CDHR1: variants seen among roughly 807,000 people sequenced by gnomAD.
The protein encoded by CDHR1 is cadherin related family member 1.
CDHR1 carries 61 observed loss-of-function variants against 72.1 expected under a neutral mutation model. That is an observed-to-expected ratio of 0.85 (90% CI 0.69 to 1.05). The LOEUF (loss-of-function observed/expected upper bound fraction) is 1.05. Ranked by LOEUF, CDHR1 falls within the 50% of genes least tolerant of loss-of-function variation. The pLI is 0.00. For missense variants in CDHR1, 1,186 were observed against 1,115.7 expected (o/e 1.06, Z -0.90); for synonymous variants, 470 against 448.1 (o/e 1.05, Z -0.62).
At position 84,194,671 on chromosome 10, in the gene CDHR1, G is replaced by A; in HGVS notation, c.-90G>A. On this transcript the variant is annotated 5_prime_UTR_variant, in exon 1 of 17. Transcript: ENST00000623527. The stretch of plus-strand genomic sequence containing the variant: ...TGCAGTCGCCGCTACCCCCATTGTG[G>A]TCTCTGCCCTCCCCGCGGGCCCAGG... 1 of 1,134,986 alleles carries A rather than the reference G, an allele frequency of 8.8e-7. No homozygotes were observed. The highest frequency in any genetic ancestry group is 1.2e-6 in the Non-Finnish European group (1 of 852,802). 70.3% of individuals were successfully genotyped at this position (1,134,986 alleles called of 1,614,324 possible).
chr10:84,203,287 C>T (rs1210242479), intron 8 of CDHR1, among the ~76,000 whole-genome samples, 164 bp downstream of exon 8: 1 of 152,240 alleles, frequency 6.6e-6, no homozygotes, highest in Non-Finnish European at 1.5e-5. Context: ...TGAACTGGCC[C>T]TTTTGCCCCC....
intron 10 of CDHR1, 52 bp downstream of exon 10, chr10:84,205,979 T>C: frequency 7.1e-7 from 1 of 1,411,172 alleles, no homozygotes; most frequent in Non-Finnish European, 1.0e-6. Context: ...CCTGGAAGTC[T>C]ATAAAGGTGA....
chr10:84,200,731 G>A, intron 6 of CDHR1, 44 bp downstream of exon 6: 2 of 1,437,618 alleles, frequency 1.4e-6, no homozygotes, highest in South Asian at 1.2e-5. Context: ...TGGGCCGGAG[G>A]GGACACCTAG....
chr10:84,206,839 A>T (rs1842235072), intron 10 of CDHR1, among the ~76,000 whole-genome samples: 1 of 152,328 alleles, frequency 6.6e-6, no homozygotes. Context: ...TGAGAGGTAG[A>T]GCCATCGGCC....
chr10:84,214,410 G>A lies in CDHR1; in HGVS notation c.2369G>A (p.Arg790Lys). The part of the protein sequence containing the change: ...NNSPESSLLP[R>K]APALPPPPSV... The stretch of plus-strand genomic sequence containing the variant: ...AGCCCAGAAAGCTCTCTGCTCCCGA[G>A]AGCTCCGGCTCTCCCTCCACCACCC... The change falls in exon 17 of 17, where the codon AGA becomes AAA. Residue 790 changes from arginine (R) to lysine (K), a missense_variant. By Grantham distance (26) the Arg-to-Lys change is conservative. Transcript: ENST00000623527. 6.2e-7 allele frequency: 1 copy of A among 1,613,780 alleles called. No homozygotes were observed. Among genetic ancestry groups the A allele is most frequent in the Non-Finnish European group, 8.5e-7 (1 of 1,180,032 alleles).
chr10:84,212,395 A>G lies in CDHR1; in HGVS notation c.1770A>G (p.Pro590=), dbSNP rs758179533. The part of the protein sequence containing the change: ...VQKKTMVLGT[P]VKIEAIDEDA... ...AGAAGACGATGGTGCTAGGGACCCC[A>G]GTGAAAATTGAGGTAAGTTTTGGAG... The change falls in exon 15 of 17, where the codon CCA becomes CCG. Residue 590 remains proline (P), a synonymous_variant. Transcript: ENST00000623527. The G allele has an allele frequency of 3.0e-5, 48 of 1,614,048 alleles. No homozygotes were observed. Among genetic ancestry groups the G allele is most frequent in the Non-Finnish European group, 3.7e-5 (44 of 1,179,992 alleles).
At chr10:84,211,214 A>T in intron 13 of CDHR1, 49 bp downstream of exon 13, 1 of 1,594,028 alleles carries the variant, frequency 6.3e-7, no homozygotes, top group Non-Finnish European at 8.6e-7. Context: ...AGGCCTTGTG[A>T]AGCCAGACAA....
chr10:84,201,533 T>A (rs74145718), intron 6 of CDHR1, among the ~76,000 whole-genome samples: 3,944 of 152,280 alleles, frequency 0.026, 159 homozygotes, highest in African/African-American at 0.088. Context: ...AGCCCAAAGC[T>A]GAGCCCAAGA....
At position 84,213,163 on chromosome 10, in the gene CDHR1, G is replaced by T. The variant is rs115388824; in HGVS notation, c.1855G>T (p.Val619Leu). ...CATCACCCATGCAGAGCCCGCCAAC[G>T]TGTTCGACATCAATTCCCACACGGG... ...YSITHAEPAN[V>L]FDINSHTGEI... Residue 619 changes from valine to leucine, a missense_variant, in exon 16 of 17, where the codon GTG becomes TTG. By Grantham distance (32) the Val-to-Leu change is conservative (BLOSUM62 1). Transcript: ENST00000623527. 2.1e-4 allele frequency: 333 copies of T among 1,614,228 alleles called. 1 individual carries two copies. In the African/African-American group the frequency reaches 4.2e-3, roughly 20 times the overall value.
In CDHR1 at chr10:84,214,601, C is replaced by A; in HGVS notation, c.2560C>A (p.His854Asn). Residue 854 changes from histidine (H) to asparagine (N), a missense_variant, in exon 17 of 17, where the codon CAC becomes AAC. Coordinates refer to ENST00000623527, the MANE Select transcript of CDHR1 (RefSeq NM_033100.4). ...LKQKFEKKSV[H>N]NKAYF Reference sequence around the variant, plus strand: ...GCAAAAGTTTGAGAAGAAGAGTGTGCACAACAAGGCTTACTTCTAGTGTAT... The same window carrying A: ...GCAAAAGTTTGAGAAGAAGAGTGTGAACAACAAGGCTTACTTCTAGTGTAT... 3 of 1,599,894 alleles carry A rather than the reference C, an allele frequency of 1.9e-6. No individual in the cohort carries two copies. The highest frequency in any genetic ancestry group is 2.5e-6 in the Non-Finnish European group (3 of 1,179,918).
intron 12 of CDHR1, among the ~76,000 whole-genome samples, chr10:84,210,214 GT>G (rs151161936): frequency 6.6e-6 from 1 of 151,428 alleles, no homozygotes; most frequent in African/African-American, 2.4e-5. Flanking sequence ...GCCAAGACTC[GT>G]TTTTTTTGTT....
chr10:84,218,781 T>C (rs760147663), downstream of CDHR1: 3 of 999,008 alleles, frequency 3.0e-6, no homozygotes, highest in Non-Finnish European at 3.6e-6. Flanking sequence ...TACATATATA[T>C]ATTTATAAGT....
Position 84,200,973 on chromosome 10 carries a change from G to T in CDHR1, c.525+286G>T, listed in dbSNP as rs370169594. 3.3e-3 allele frequency among the ~76,000 whole-genome samples: 503 copies of T among 152,284 alleles called. 2 individuals carry two copies. Among genetic ancestry groups the T allele is most frequent in the African/African-American group, 0.011 (475 of 41,546 alleles). ...CCCTTTCCCCAGGGGCTGCCACATG[G>T]GTGGAGAACCCCGTGTAGGCCCAGA... On this transcript the variant is annotated intron_variant, in intron 6 of 16. Coordinates refer to ENST00000623527, the MANE Select transcript of CDHR1 (RefSeq NM_033100.4).
At position 84,208,279 on chromosome 10, in the gene CDHR1, A is replaced by C. The variant is rs371607559; in HGVS notation, c.1069A>C (p.Ser357Arg). The change falls in exon 11 of 17, where the codon AGC (serine) becomes CGC (arginine). Residue 357 changes from serine to arginine, a missense_variant. By Grantham distance (110) the Ser-to-Arg change is moderately radical. Coordinates refer to ENST00000623527, the MANE Select transcript of CDHR1 (RefSeq NM_033100.4). ...NNHPPTFYGE[S>R]GPQNRFELSM... ...CCACCCGCCAACATTCTATGGAGAG[A>C]GCGGACCCCAAAACAGGTTTGAGCT... is the stretch of plus-strand genomic sequence containing the variant. 1.2e-6 allele frequency: 2 copies of C among 1,614,154 alleles called. No homozygotes were observed. The highest frequency in any genetic ancestry group is 1.6e-4 in the Middle Eastern group (1 of 6,062).
chr10:84,214,205 G>A lies in CDHR1; in HGVS notation c.2164G>A (p.Ala722Thr), dbSNP rs762458527. The change falls in exon 17 of 17, where the codon GCC (alanine) becomes ACC (threonine). Residue 722 changes from alanine (A) to threonine (T), a missense_variant. By Grantham distance (58) the Ala-to-Thr change is moderately conservative. Coordinates refer to ENST00000623527, the MANE Select transcript of CDHR1 (RefSeq NM_033100.4). ...GGCCATCACTGTCCTCATCTCCACCGCCACCTTCTGGCGCAACAAGAAGTC... is the reference window on the plus strand; with the variant it reads ...GGCCATCACTGTCCTCATCTCCACCACCACCTTCTGGCGCAACAAGAAGTC... ...VVAITVLIST[A>T]TFWRNKKSNK... The A allele has an allele frequency of 1.2e-6, 2 of 1,614,094 alleles. No homozygotes were observed. The highest frequency in any genetic ancestry group is 2.2e-5 in the East Asian group (1 of 44,886).
At chr10:84,219,476 T>C (rs4933980), downstream of CDHR1, 1 of 827,252 alleles carries the variant, frequency 1.2e-6, no homozygotes, top group Admixed American at 3.5e-5. Context: ...TTTGCTTGGC[T>C]TGAAGGTCTG....
chr10:84,202,638 G>A (rs545205875), intron 7 of CDHR1, among the ~76,000 whole-genome samples: 1 of 152,320 alleles, frequency 6.6e-6, no homozygotes, highest in East Asian at 1.9e-4. Context: ...CTGACACTCA[G>A]CACAGGCCAA....
chr10:84,216,974 G>A lies in CDHR1; in HGVS notation c.*2353G>A, dbSNP rs1186941183. ...GGCTTGCAAGTGGATCCGGGACCGAGGGTGGTCTCTTGGACAACCCCAGGA... is the reference window on the plus strand; with the variant it reads ...GGCTTGCAAGTGGATCCGGGACCGAAGGTGGTCTCTTGGACAACCCCAGGA... On this transcript the variant is annotated 3_prime_UTR_variant, in exon 17 of 17. Transcript: ENST00000623527. 3 of 985,354 alleles carry A rather than the reference G, an allele frequency of 3.0e-6. No homozygotes were observed. Among genetic ancestry groups the A allele is most frequent in the Non-Finnish European group, 3.6e-6 (3 of 829,966 alleles). 61.0% of individuals were successfully genotyped at this position (985,354 alleles called of 1,614,324 possible). A position where few individuals can be genotyped will look rare whatever the true frequency, so the allele number is the denominator to read the frequency against.
intron 3 of CDHR1, 45 bp from the exon 4 acceptor site, chr10:84,197,741 G>A: frequency 6.3e-7 from 1 of 1,579,588 alleles, no homozygotes; most frequent in Non-Finnish European, 8.7e-7. Context: ...GGGTCCTATG[G>A]CGTGTCAGAC....
Sources: allele counts gnomAD v4.1 joint callset (sites outside exome capture counted in the v4.1 genomes callset), GRCh38; gene constraint gnomAD v4.1.1; transcripts MANE v1.5; gene names NCBI Gene and HGNC (gene_info 2026-07-23, HGNC 2026-07-21).